GPC6: variants seen among roughly 807,000 people sequenced by gnomAD.
GPC6 encodes glypican 6, also known as glypican-6.
GPC6 carries 14 observed loss-of-function variants against 55.2 expected under a neutral mutation model. The observed-to-expected ratio is 0.25, with a 90% CI of 0.17 to 0.40. The LOEUF is 0.40. GPC6 is among the 10% of genes least tolerant of loss of function. The pLI, the probability that GPC6 is intolerant of heterozygous loss-of-function variation, is 1.00. For missense variants in GPC6, 641 were observed against 708.5 expected, an observed-to-expected ratio of 0.90 and a Z score of 1.08; for synonymous variants, 278 against 259.6, an observed-to-expected ratio of 1.07 and a Z score of -0.68.
rs533674246 is a variant in GPC6, at chr13:94,104,237, G to T, written c.877+76343G>T. ...CTGAGGGCTCTGTTCTGTTCCATTG[G>T]TCTATATCTCTGTTTTGGTACCAGT... On this transcript the variant is annotated intron_variant, in intron 4 of 8. Coordinates refer to ENST00000377047, the MANE Select transcript of GPC6 (RefSeq NM_005708.5). Among the ~76,000 whole-genome samples the T allele has an allele frequency of 2.6e-5, 4 of 152,082 alleles. No homozygotes were observed. In the East Asian group the frequency reaches 7.7e-4, roughly 29 times the overall value.
the GPC6 span, among the ~76,000 whole-genome samples, chr13:93,220,708 G>A: frequency 6.6e-6 from 1 of 152,072 alleles, no homozygotes; most frequent in Non-Finnish European, 1.5e-5. Flanking sequence ...TAGTACATTT[G>A]TCAAGATTGT....
At chr13:94,337,413 A>G (rs184316040) in intron 6 of GPC6, among the ~76,000 whole-genome samples, 1 of 152,154 alleles carries the variant, frequency 6.6e-6, no homozygotes, top group East Asian at 1.9e-4. Flanking sequence ...AGTAACATAG[A>G]TAGTACATTT....
chr13:93,750,408 A>G (rs945939312), intron 2 of GPC6, among the ~76,000 whole-genome samples: 10 of 152,280 alleles, frequency 6.6e-5, no homozygotes, highest in African/African-American at 2.4e-4. Context: ...GGAATGGCAT[A>G]TAACTATTCA....
intron 2 of GPC6, among the ~76,000 whole-genome samples, chr13:93,779,900 C>T (rs1295428981): frequency 6.6e-6 from 1 of 152,100 alleles, no homozygotes; most frequent in Non-Finnish European, 1.5e-5. Flanking sequence ...TGCATATAAA[C>T]CCCCTGGGAC....
intron 1 of GPC6, among the ~76,000 whole-genome samples, chr13:93,337,395 A>G (rs975197613): frequency 1.3e-5 from 2 of 152,228 alleles, no homozygotes; most frequent in Admixed American, 6.5e-5. Context: ...TAACACATAC[A>G]TTGTACTTAT....
intron 1 of GPC6, among the ~76,000 whole-genome samples, chr13:93,234,720 G>A: frequency 6.6e-6 from 1 of 152,020 alleles, no homozygotes; most frequent in East Asian, 1.9e-4. Context: ...GCAAGAGAGA[G>A]AGAGGGAAGG....
chr13:93,964,026 C>T (rs1041018241), intron 3 of GPC6, among the ~76,000 whole-genome samples: 3 of 152,106 alleles, frequency 2.0e-5, no homozygotes, highest in Non-Finnish European at 4.4e-5. Context: ...TGCAACACTT[C>T]CTGGTTTTTC....
intron 4 of GPC6, among the ~76,000 whole-genome samples, chr13:94,257,643 A>G (rs989339567): frequency 5.9e-5 from 9 of 152,360 alleles, no homozygotes; most frequent in African/African-American, 1.9e-4. Flanking sequence ...ATTGAGGAAC[A>G]CACAGACCCT....
chr13:93,547,336 ACT>A (rs1244542230), intron 2 of GPC6, among the ~76,000 whole-genome samples: 3 of 152,160 alleles, frequency 2.0e-5, no homozygotes, highest in Non-Finnish European at 4.4e-5. Context: ...ACAGAGTGAG[ACT>A]CTGTCTCAAA....
At chr13:93,406,217 G>A (rs1213369615) in intron 1 of GPC6, among the ~76,000 whole-genome samples, 9 of 152,096 alleles carry the variant, frequency 5.9e-5, no homozygotes, top group African/African-American at 2.2e-4. Flanking sequence ...TTTTCTTCCT[G>A]CAAAACTCAT....
chr13:94,294,506 G>T (rs1393214527), intron 5 of GPC6, among the ~76,000 whole-genome samples: 1 of 150,878 alleles, frequency 6.6e-6, no homozygotes, highest in Non-Finnish European at 1.5e-5. Context: ...TCTAGCTATT[G>T]GGGCTTAGTT....
chr13:93,238,117 T>C (rs750748438), intron 1 of GPC6, among the ~76,000 whole-genome samples: 4 of 152,180 alleles, frequency 2.6e-5, no homozygotes, highest in Non-Finnish European at 4.4e-5. Flanking sequence ...TATTGGTATA[T>C]TGATAGAAAT....
At chr13:93,461,681 G>T (rs921827574) in intron 1 of GPC6, among the ~76,000 whole-genome samples, 2 of 149,474 alleles carry the variant, frequency 1.3e-5, no homozygotes, top group East Asian at 4.0e-4. Flanking sequence ...TTGGGGGGGG[G>T]TGTTGATGAT....
intron 2 of GPC6, among the ~76,000 whole-genome samples, chr13:93,775,519 T>A (rs1250247717): frequency 1.3e-5 from 2 of 152,152 alleles, no homozygotes; most frequent in Non-Finnish European, 2.9e-5. Context: ...CCTGGTGAGC[T>A]TCTGAAAACT....
At chr13:93,602,817 C>T (rs1878074784) in intron 2 of GPC6, among the ~76,000 whole-genome samples, 1 of 152,106 alleles carries the variant, frequency 6.6e-6, no homozygotes, top group Non-Finnish European at 1.5e-5. Flanking sequence ...GTACACACTA[C>T]ATGTCAAGAA....
intron 1 of GPC6, among the ~76,000 whole-genome samples, chr13:93,366,720 G>T (rs1321910247): frequency 3.3e-5 from 5 of 152,004 alleles, no homozygotes; most frequent in African/African-American, 1.2e-4. Flanking sequence ...GGGTAGACTT[G>T]AAATACAACA....
At chr13:94,350,835 G>C (rs1032854990) in intron 6 of GPC6, among the ~76,000 whole-genome samples, 1 of 152,150 alleles carries the variant, frequency 6.6e-6, no homozygotes, top group South Asian at 2.1e-4. Flanking sequence ...TGAGAAGCTA[G>C]AGAGCACAGT....
chr13:93,861,931 G>GT (rs1888825414), intron 3 of GPC6, among the ~76,000 whole-genome samples: 1 of 151,646 alleles, frequency 6.6e-6, no homozygotes, highest in South Asian at 2.1e-4. Flanking sequence ...TGCCCCTTCA[G>GT]TAAGATAAGG....
At position 94,374,681 on chromosome 13, in the gene GPC6, G is replaced by T. The variant is rs893937819; in HGVS notation, c.1153-7733G>T. Among the ~76,000 whole-genome samples, 465 of 151,404 alleles carry T rather than the reference G, an allele frequency of 3.1e-3. 3 individuals carry two copies. The highest frequency in any genetic ancestry group is 0.011 in the African/African-American group (443 of 40,942). ...ACAGAAAGTCAACAAGGAAACCCAG[G>T]AATTGAACTCAGCTCTGCACCAAGC... is the stretch of plus-strand genomic sequence containing the variant. On this transcript the variant is annotated intron_variant, in intron 6 of 8. Coordinates refer to ENST00000377047, the MANE Select transcript of GPC6 (RefSeq NM_005708.5).
Sources: gnomAD v4.1 joint callset for allele counts (sites outside exome capture counted in the v4.1 genomes callset) on GRCh38, gnomAD v4.1.1 for gene constraint, MANE v1.5 for transcripts, NCBI Gene and HGNC (gene_info 2026-07-23, HGNC 2026-07-21) for gene names.